MARK1: variants seen among roughly 807,000 people sequenced by gnomAD.
The protein encoded by MARK1 is microtubule affinity regulating kinase 1.
In MARK1, 40 loss-of-function variants were observed where a neutral mutation model predicts 96.3. That is an observed-to-expected ratio of 0.42 (90% confidence interval 0.32 to 0.54). The LOEUF (loss-of-function observed/expected upper bound fraction) is 0.54. Ranked by LOEUF, MARK1 falls within the 20% of genes least tolerant of loss-of-function variation. The pLI, the probability that MARK1 is intolerant of heterozygous loss-of-function variation, is 0.16. For missense variants in MARK1, 719 were observed against 984.6 expected (o/e 0.73, Z 3.61); for synonymous variants, 317 against 341.2 (o/e 0.93, Z 0.78).
intron 1 of MARK1, among the ~76,000 whole-genome samples, chr1:220,532,314 A>AAGC (rs1234618034): frequency 6.6e-5 from 10 of 152,316 alleles, no homozygotes; most frequent in African/African-American, 2.4e-4. Flanking sequence ...AGCGAGAGGA[A>AAGC]AGCATACCTT....
chr1:220,594,262 G>A (rs1461949247), intron 3 of MARK1, among the ~76,000 whole-genome samples: 1 of 152,118 alleles, frequency 6.6e-6, no homozygotes, highest in Non-Finnish European at 1.5e-5. Context: ...TGGCAAATAA[G>A]CATATGAAAA....
At chr1:220,647,016 G>A (rs534292832) in intron 13 of MARK1, among the ~76,000 whole-genome samples, 2 of 151,986 alleles carry the variant, frequency 1.3e-5, no homozygotes, top group South Asian at 2.1e-4. Context: ...TGATGAAATC[G>A]CCAAAAGGAA....
At chr1:220,641,050 A>G (rs754525876) in intron 13 of MARK1, among the ~76,000 whole-genome samples, 9 of 152,222 alleles carry the variant, frequency 5.9e-5, no homozygotes, top group Non-Finnish European at 1.3e-4. Context: ...AAAACCCTTG[A>G]CTAGCCTAGA....
chr1:220,603,864 A>C (rs1196803172), intron 5 of MARK1, among the ~76,000 whole-genome samples: 2 of 152,032 alleles, frequency 1.3e-5, no homozygotes, highest in African/African-American at 4.8e-5. Context: ...AGTTTTGCTA[A>C]ATCACAAACT....
At chr1:220,533,144 G>A (rs1470268464) in intron 1 of MARK1, among the ~76,000 whole-genome samples, 2 of 152,116 alleles carry the variant, frequency 1.3e-5, no homozygotes, top group African/African-American at 4.8e-5. Context: ...CCTTGCACTT[G>A]TCCCTTCATA....
intron 3 of MARK1, among the ~76,000 whole-genome samples, chr1:220,588,531 A>C (rs1490193720): frequency 6.6e-6 from 1 of 152,198 alleles, no homozygotes; most frequent in Non-Finnish European, 1.5e-5. Context: ...AATTATATTC[A>C]GATCTCTTTC....
At chr1:220,609,422 T>C (rs1666295255) in intron 6 of MARK1, among the ~76,000 whole-genome samples, 1 of 152,170 alleles carries the variant, frequency 6.6e-6, no homozygotes, top group Admixed American at 6.5e-5. Context: ...TCTTCCTCCA[T>C]CCCTTTATTT....
intron 6 of MARK1, among the ~76,000 whole-genome samples, chr1:220,612,376 A>G (rs1202274677): frequency 6.6e-6 from 1 of 152,206 alleles, no homozygotes; most frequent in Non-Finnish European, 1.5e-5. Flanking sequence ...TGGTTTTTTA[A>G]ATAAAGTCTG....
intron 13 of MARK1, among the ~76,000 whole-genome samples, chr1:220,645,434 C>A (rs1668526379): frequency 6.6e-6 from 1 of 152,102 alleles, no homozygotes; most frequent in South Asian, 2.1e-4. Flanking sequence ...CGCCTACCAA[C>A]CAAAAATAGC....
rs1476629954 is a variant in MARK1, at chr1:220,528,732, C to T, written c.-91C>T. ...GGGAGCCGCTCGCCCCGGCCTTGTG[C>T]TCGCGTCCGCACCCCTTTCCTGTCG... On this transcript the variant is annotated 5_prime_UTR_variant, in exon 1 of 18. Transcript: ENST00000366917. 1 of 1,249,012 alleles carries T rather than the reference C, an allele frequency of 8.0e-7. No homozygotes were observed. Among genetic ancestry groups the T allele is most frequent in the Non-Finnish European group, 1.1e-6 (1 of 909,442 alleles). 77.4% of individuals were successfully genotyped at this position (1,249,012 alleles called of 1,614,324 possible).
chr1:220,585,984 T>TACACACACACACACACAC (rs1553322886), intron 3 of MARK1, among the ~76,000 whole-genome samples: 46 of 52,894 alleles, frequency 8.7e-4, no homozygotes, highest in East Asian at 4.7e-3. Flanking sequence ...TACATACGTA[T>TACACACACACACACACAC]ACACACACAC....
intron 3 of MARK1, among the ~76,000 whole-genome samples, chr1:220,587,950 A>G (rs747841785): frequency 7.2e-5 from 11 of 152,158 alleles, no homozygotes; most frequent in Non-Finnish European, 1.5e-4. Context: ...CCTCAACTTT[A>G]CTAGATAATG....
intron 13 of MARK1, among the ~76,000 whole-genome samples, chr1:220,641,746 A>G (rs1668280959): frequency 7.2e-6 from 1 of 138,142 alleles, no homozygotes; most frequent in Non-Finnish European, 1.6e-5. Context: ...TAACTAGGTG[A>G]TTGGTGTAAC....
chr1:220,650,837 A>C (rs1668834801), intron 14 of MARK1, 117 bp downstream of exon 14: 1 of 656,346 alleles, frequency 1.5e-6, no homozygotes, highest in African/African-American at 1.9e-5. Flanking sequence ...TGAAATAGTA[A>C]GATTGCAACC....
chr1:220,635,343 G>A, intron 11 of MARK1, 33 bp from the exon 12 acceptor site: 2 of 862,358 alleles, frequency 2.3e-6, no homozygotes, highest in Non-Finnish European at 1.5e-6. Flanking sequence ...TTTTTTTTTT[G>A]CTTTAAAATC....
chr1:220,557,271 C>T (rs557060428), intron 1 of MARK1, among the ~76,000 whole-genome samples: 1 of 152,160 alleles, frequency 6.6e-6, no homozygotes, highest in East Asian at 1.9e-4. Flanking sequence ...CTAAATGATC[C>T]TTCAAGAATA....
At chr1:220,559,886 GTAC>G (rs2102771817) in intron 1 of MARK1, among the ~76,000 whole-genome samples, 1 of 18,010 alleles carries the variant, frequency 5.6e-5, no homozygotes, top group African/African-American at 7.2e-5. Context: ...TAAAGTGAGT[GTAC>G]AGTAGAACAT....
chr1:220,585,722 C>G (rs75807934), intron 3 of MARK1, among the ~76,000 whole-genome samples: 2,354 of 152,248 alleles, frequency 0.015, 66 homozygotes, highest in African/African-American at 0.055. Context: ...CACAGCCATA[C>G]ATAATCTTCG....
At chr1:220,588,758 G>T (rs1397449340) in intron 3 of MARK1, among the ~76,000 whole-genome samples, 2 of 152,106 alleles carry the variant, frequency 1.3e-5, no homozygotes, top group African/African-American at 4.8e-5. Flanking sequence ...CTCAATAAAT[G>T]GCACTTATGA....
Sources: allele counts gnomAD v4.1 joint callset (sites outside exome capture counted in the v4.1 genomes callset), GRCh38; gene constraint gnomAD v4.1.1; transcripts MANE v1.5; gene names NCBI Gene and HGNC (gene_info 2026-07-23, HGNC 2026-07-21).